The following CARD10 variants were observed in gnomAD, a reference collection of about 807,000 sequenced individuals.
The protein encoded by CARD10 is caspase recruitment domain-containing protein 10.
A neutral mutation model predicts 114.6 loss-of-function variants in CARD10; 49 were observed. The ratio of observed to expected loss-of-function variants is 0.43; its 90% CI spans 0.34 to 0.54. The LOEUF is 0.54. Among genes scored for constraint, CARD10 ranks in the 20% least tolerant of loss-of-function variants. The probability of loss-of-function intolerance (pLI) is 0.03; values close to 1 mark genes in which losing one functional copy is unlikely to be tolerated. For missense variants in CARD10, 1,206 were observed against 1,397.2 expected (o/e 0.86, Z 2.18); for synonymous variants, 602 against 593.2 (o/e 1.01, Z -0.21).
rs1412244901 is a variant in CARD10 at position 37,495,912 on chromosome 22, C to T, written c.2151G>A (p.Glu717=). Residue 717 remains glutamate (E), a synonymous_variant, in exon 14 of 20, where the codon GAG becomes GAA. Transcript: ENST00000251973. ...CGCAAAGGGCATGGGGATCTGCCCT[C>T]TCAGGCAAGGTGAGGTTGGCACGAA... ...FYIRANLTLP[E]RADPHALCVK... is the part of the protein sequence containing the mutation. 9 of 1,614,054 alleles carry T rather than the reference C, an allele frequency of 5.6e-6. No homozygotes were observed. The highest frequency in any genetic ancestry group is 6.8e-6 in the Non-Finnish European group (8 of 1,180,054).
At position 37,508,606 on chromosome 22, in the gene CARD10, T is replaced by TG. The variant is rs747971868; in HGVS notation, c.985dup (p.Gln329ProfsTer47). 6.3e-7 allele frequency: 1 copy of TG among 1,580,994 alleles called. No homozygotes were observed. Among genetic ancestry groups the TG allele is most frequent in the Non-Finnish European group, 8.6e-7 (1 of 1,167,704 alleles). Reference sequence around the variant, plus strand: ...CTGGCACAGCTCCTGCCTGCTGTCCTGCGCCTCCCGCCAGTCATGCTCTAG... The same window carrying TG: ...CTGGCACAGCTCCTGCCTGCTGTCCTGGCGCCTCCCGCCAGTCATGCTCTAG... On this transcript the variant is annotated frameshift_variant, in exon 5 of 20. Transcript: ENST00000251973. LOFTEE classifies it high-confidence loss of function.
chr22:37,507,316 G>A (rs910928086), intron 6 of CARD10, among the ~76,000 whole-genome samples: 3 of 152,142 alleles, frequency 2.0e-5, no homozygotes, highest in African/African-American at 4.8e-5. Flanking sequence ...CTCCTCTAGT[G>A]GGATTCACAC....
rs940487010 is a variant in CARD10 at position 37,519,300 on chromosome 22, A to G, written c.-100T>C. ...CAAGCACCCCCGGGGCGTCGTCCGC[A>G]GACCCGCCGTCGGGGGCGCGCCCCG... is the stretch of plus-strand genomic sequence containing the variant. On this transcript the variant is annotated 5_prime_UTR_variant, in exon 1 of 20. Coordinates refer to ENST00000251973, the MANE Select transcript of CARD10 (RefSeq NM_014550.4). The surrounding 1 kb of genome is among the most constrained non-coding windows in gnomAD (Gnocchi z 4.1). 9 of 1,346,100 alleles carry G rather than the reference A, an allele frequency of 6.7e-6. No individual in the cohort carries two copies. In the African/African-American group the frequency reaches 1.2e-4, roughly 18 times the overall value. The allele number at this position is 1,346,100 out of a possible 1,614,324, so 83.4% of individuals were successfully genotyped here. A position where few individuals can be genotyped will look rare whatever the true frequency, so the allele number is the denominator to read the frequency against.
In CARD10 at chr22:37,492,707, G is replaced by T. The variant is rs759424958; in HGVS notation, c.2572C>A (p.Arg858=). The change falls in exon 17 of 20, where the codon CGG becomes AGG. Residue 858 remains arginine (R), a synonymous_variant. Transcript: ENST00000251973. This position sits in a 1 kb window ranked among gnomAD's most constrained non-coding sequence, Gnocchi z 5.7. Reference sequence around the variant, plus strand: ...AGGTCTAGCAGGTTACGGATGAGCCGGGGCGCCAGGCACTCAGGCAACAGC... The same window carrying T: ...AGGTCTAGCAGGTTACGGATGAGCCTGGGCGCCAGGCACTCAGGCAACAGC... ...VVLLPECLAP[R]LIRNLLDLPS... The T allele has an allele frequency of 7.4e-5, 120 of 1,613,070 alleles. No individual in the cohort carries two copies. In the Admixed American group the frequency reaches 2.0e-3, roughly 27 times the overall value.
At position 37,491,993 on chromosome 22, in the gene CARD10, G is replaced by A. The variant is rs1001063700; in HGVS notation, c.2752-126C>T. On this transcript the variant is annotated intron_variant, in intron 18 of 19. Coordinates refer to ENST00000251973, the MANE Select transcript of CARD10 (RefSeq NM_014550.4). ...CAAGTCCTGCCTCCCCACCCAGAGG[G>A]ACCCTGGCAACGAGGAAGGAGCCCA... 3.3e-5 allele frequency: 22 copies of A among 676,674 alleles called. No individual in the cohort carries two copies. The African/African-American group carries it at 3.5e-4, about 11-fold the overall frequency. 41.9% of individuals were successfully genotyped at this position (676,674 alleles called of 1,614,324 possible).
Position 37,495,554 on chromosome 22 carries a change from C to A in CARD10, c.2336G>T (p.Cys779Phe). 1 of 1,613,362 alleles carries A rather than the reference C, an allele frequency of 6.2e-7. No homozygotes were observed. Among genetic ancestry groups the A allele is most frequent in the Non-Finnish European group, 8.5e-7 (1 of 1,179,842 alleles). ...GCCTCGGTGCCGGCTGGAGGGCAGGCATTTCTCCTGAACTTCTAGGAGCTG... is the reference window on the plus strand; with the variant it reads ...GCCTCGGTGCCGGCTGGAGGGCAGGAATTTCTCCTGAACTTCTAGGAGCTG... ...AQQLLEVQEK[C>F]LPSSRHRGPR... Residue 779 changes from cysteine to phenylalanine, a missense_variant, in exon 15 of 20, where the codon TGC becomes TTC. By Grantham distance (205) the Cys-to-Phe change is radical. This residue lies in a region of CARD10 where 1,068 missense variants were observed against 1,179.1 expected (regional missense o/e 0.91). Coordinates refer to ENST00000251973, the MANE Select transcript of CARD10 (RefSeq NM_014550.4).
intron 2 of CARD10, among the ~76,000 whole-genome samples, chr22:37,517,741 G>A (rs1569168752): frequency 1.3e-5 from 2 of 152,102 alleles, no homozygotes; most frequent in African/African-American, 4.8e-5. Flanking sequence ...ACAGTATCAC[G>A]AAGAAAGAGC....
chr22:37,495,208 C>A (rs1023532654), intron 15 of CARD10, among the ~76,000 whole-genome samples: 1 of 152,148 alleles, frequency 6.6e-6, no homozygotes, highest in Admixed American at 6.5e-5. Context: ...CCTTGTGATC[C>A]GCCCACCTCG....
intron 11 of CARD10, among the ~76,000 whole-genome samples, chr22:37,502,333 C>A (rs1923243005): frequency 6.6e-6 from 1 of 152,194 alleles, no homozygotes; most frequent in Non-Finnish European, 1.5e-5. Context: ...GCGAGCAGAG[C>A]CCTCAAAAGA....
Position 37,490,894 on chromosome 22 carries a change from A to AT in CARD10, c.*264dup. On this transcript the variant is annotated 3_prime_UTR_variant, in exon 20 of 20. Coordinates refer to ENST00000251973, the MANE Select transcript of CARD10 (RefSeq NM_014550.4). ...GTTTAAGGAGAAGACACAGACACAC[A>AT]TAAGACCCACTAGTGGGAATGTGGA... is the stretch of plus-strand genomic sequence containing the variant. The AT allele has an allele frequency of 1.8e-6, 1 of 543,136 alleles. No individual in the cohort carries two copies. The highest frequency in any genetic ancestry group is 3.1e-5 in the East Asian group (1 of 32,486). 33.6% of individuals were successfully genotyped at this position (543,136 alleles called of 1,614,324 possible). A position where few individuals can be genotyped will look rare whatever the true frequency, so the allele number is the denominator to read the frequency against.
chr22:37,509,735 CCTG>C (rs1411887337), intron 4 of CARD10, among the ~76,000 whole-genome samples: 1 of 101,282 alleles, frequency 9.9e-6, no homozygotes, highest in African/African-American at 3.1e-5. Context: ...AGCCCTGGTA[CCTG>C]CTGCAGGTCC....
intron 11 of CARD10, among the ~76,000 whole-genome samples, chr22:37,500,563 C>G (rs1555934333): frequency 6.6e-6 from 1 of 152,052 alleles, no homozygotes; most frequent in Non-Finnish European, 1.5e-5. Flanking sequence ...AGGCTGAGGG[C>G]AAGAGATGGG....
At chr22:37,504,797 G>C in intron 7 of CARD10, 28 bp from the exon 8 acceptor site, 2 of 1,448,054 alleles carry the variant, frequency 1.4e-6, no homozygotes, top group Non-Finnish European at 1.8e-6. Context: ...GAGGAAGGAG[G>C]TGAGCAGTGC....
At position 37,504,263 on chromosome 22, in the gene CARD10, G is replaced by A. The variant is rs1391442092; in HGVS notation, c.1557C>T (p.Leu519=). The A allele has an allele frequency of 1.5e-5, 23 of 1,576,714 alleles. No homozygotes were observed. Among genetic ancestry groups the A allele is most frequent in the Non-Finnish European group, 1.9e-5 (22 of 1,160,402 alleles). Residue 519 remains leucine (L), a synonymous_variant, in exon 9 of 20, where the codon CTC becomes CTT. Transcript: ENST00000251973. ...CACTGGGGGGGAAGGGCAGGATGGA[G>A]AGCCGATTGATCTCCTTTTCACTGT... ...ATDSEKEINR[L]SILPFPPSAG...
Position 37,507,172 on chromosome 22 carries a change from G to A in CARD10, c.1191+657C>T, listed in dbSNP as rs1017028359. ...CATGCCTGTAATACCAGCTACTTGG[G>A]AGGCTGAGGCAGGAGAATCACTTGA... On this transcript the variant is annotated intron_variant, in intron 6 of 19. Coordinates refer to ENST00000251973, the MANE Select transcript of CARD10 (RefSeq NM_014550.4). 3.3e-5 allele frequency among the ~76,000 whole-genome samples: 5 copies of A among 152,206 alleles called. No homozygotes were observed. The East Asian group carries it at 9.6e-4, about 29-fold the overall frequency.
rs532363684 is a variant in CARD10 at position 37,509,328 on chromosome 22, GA to G, written c.910-647del. Among the ~76,000 whole-genome samples the G allele has an allele frequency of 3.3e-5, 5 of 152,112 alleles. No individual in the cohort carries two copies. The South Asian group carries it at 1.0e-3, about 31-fold the overall frequency. ...AATTAAAGCTGGGGCCCTTTCCCCA[GA>G]AAAATGCTCACACTCAAAATCAGGG... On this transcript the variant is annotated intron_variant, in intron 4 of 19. Transcript: ENST00000251973.
chr22:37,498,310 T>C (rs1370418734), intron 11 of CARD10, among the ~76,000 whole-genome samples: 1 of 152,078 alleles, frequency 6.6e-6, no homozygotes, highest in Non-Finnish European at 1.5e-5. Context: ...AATTAAGACG[T>C]CACCAAAATC....
intron 19 of CARD10, 79 bp downstream of exon 19, chr22:37,491,676 G>T (rs1341707485): frequency 1.4e-6 from 1 of 714,134 alleles, no homozygotes; most frequent in African/African-American, 2.0e-5. Flanking sequence ...GAGAGAGAGG[G>T]GGGAGGGAGA....
chr22:37,493,357 G>A (rs1451497896), intron 16 of CARD10, among the ~76,000 whole-genome samples: 1 of 152,146 alleles, frequency 6.6e-6, no homozygotes, highest in Admixed American at 6.5e-5. Context: ...CCTGGCATGT[G>A]CCCCACGGCC....
Sources: allele counts gnomAD v4.1 joint callset (sites outside exome capture counted in the v4.1 genomes callset), GRCh38; gene constraint gnomAD v4.1.1; regional missense constraint gnomAD v4.1.1; non-coding constraint Gnocchi (gnomAD v3.1); transcripts MANE v1.5; gene names NCBI Gene and HGNC (gene_info 2026-07-23, HGNC 2026-07-21).